XIAP: variants seen among roughly 807,000 people sequenced by gnomAD.
The protein encoded by XIAP is E3 ubiquitin-protein ligase XIAP.
In XIAP, 3 loss-of-function variants were observed where a neutral mutation model predicts 33.1. The ratio of observed to expected loss-of-function variants is 0.09; its 90% CI spans 0.04 to 0.23. The LOEUF is 0.23. Among genes scored for constraint, XIAP ranks in the 10% least tolerant of loss-of-function variants. XIAP has a pLI of 1.00. For synonymous variants in XIAP, 98 were observed against 121.3 expected, an observed-to-expected ratio of 0.81 and a Z score of 1.26; for missense variants, 264 against 363.0, an observed-to-expected ratio of 0.73 and a Z score of 2.22.
At chrX:123,881,517 ATGTGTAT>A (rs776277350) in intron 1 of XIAP, among the ~76,000 whole-genome samples, 1 of 111,211 alleles carries the variant, frequency 9.0e-6, no homozygotes, top group Non-Finnish European at 1.9e-5. Context: ...CACTCTGCTA[ATGTGTAT>A]ATATTGTTCA....
chrX:123,860,014 C>T (rs953953135), upstream of XIAP: 31 of 315,406 alleles, frequency 9.8e-5, no homozygotes, highest in Middle Eastern at 2.0e-3. Flanking sequence ...TGGCGCAGCC[C>T]GGGCTGGGAG....
chrX:123,899,047 G>C (rs749087943), intron 5 of XIAP, among the ~76,000 whole-genome samples: 1 of 95,515 alleles, frequency 1.0e-5, no homozygotes, highest in Non-Finnish European at 2.1e-5. Flanking sequence ...CTTGAACCTG[G>C]GAGGTGGAGG....
In XIAP at chrX:123,866,680, T is replaced by C. The variant is rs777544412; in HGVS notation, c.-33+6387T>C. ...TATAATATGTAAAATATATTACATA[T>C]ATAATATATATATTTTTCAGACAGA... On this transcript the variant is annotated intron_variant, in intron 1 of 6. Coordinates refer to ENST00000371199, the MANE Select transcript of XIAP (RefSeq NM_001167.4). 2.0e-3 allele frequency among the ~76,000 whole-genome samples: 210 copies of C among 103,392 alleles called. 1 individual carries two copies. Among genetic ancestry groups the C allele is most frequent in the Non-Finnish European group, 3.4e-3 (173 of 51,547 alleles). The allele number at this position is 103,392 out of a possible 115,157, so 89.8% of individuals were successfully genotyped here.
Position 123,886,466 on chromosome X carries a change from G to A in XIAP, c.804G>A (p.Arg268=). 2 of 1,208,842 alleles carry A rather than the reference G, an allele frequency of 1.7e-6. No homozygotes were observed. The highest frequency in any genetic ancestry group is 3.0e-5 in the East Asian group (1 of 33,868). ...CATCCATGGCAGATTATGAAGCACGGATCTTTACTTTTGGGACATGGATAT... is the reference window on the plus strand; with the variant it reads ...CATCCATGGCAGATTATGAAGCACGAATCTTTACTTTTGGGACATGGATAT... ...RNPSMADYEA[R]IFTFGTWIYS... The change falls in exon 2 of 7, where the codon CGG becomes CGA. Residue 268 remains arginine, a synonymous_variant. Coordinates refer to ENST00000371199, the MANE Select transcript of XIAP (RefSeq NM_001167.4).
At chrX:123,885,172 AATTC>A (rs932930348) in intron 1 of XIAP, among the ~76,000 whole-genome samples, 9 of 112,074 alleles carry the variant, frequency 8.0e-5, no homozygotes, top group African/African-American at 1.9e-4. Context: ...ATTAAAAATT[AATTC>A]ATTAACATTC....
Position 123,887,290 on chromosome X carries a change from C to T in XIAP, c.877+751C>T, listed in dbSNP as rs771301269. The stretch of plus-strand genomic sequence containing the variant: ...GTCTCGAACTCCTGACCTTGTGATC[C>T]GCCCGCCTTGGCCTCCCAAAGTGCT... On this transcript the variant is annotated intron_variant, in intron 2 of 6. Transcript: ENST00000371199. 8.9e-5 allele frequency among the ~76,000 whole-genome samples: 10 copies of T among 111,941 alleles called. No individual in the cohort carries two copies. The South Asian group carries it at 3.0e-3, about 33-fold the overall frequency.
intron 1 of XIAP, among the ~76,000 whole-genome samples, chrX:123,867,078 T>G (rs1286331267): frequency 1.2e-5 from 1 of 85,225 alleles, no homozygotes; most frequent in Non-Finnish European, 2.3e-5. Context: ...ACATTTCTGT[T>G]TTTTTTTTTG....
At position 123,912,782 on chromosome X, in the gene XIAP, A is replaced by T. The variant is rs769395420; in HGVS notation, c.*5601A>T. ...TCATGGCAAACTCTGCCTCGCAAGC[A>T]GCTGGGACTACAGGCATGCTCCACG... On this transcript the variant is annotated 3_prime_UTR_variant, in exon 7 of 7. Coordinates refer to ENST00000371199, the MANE Select transcript of XIAP (RefSeq NM_001167.4). The T allele has an allele frequency of 3.1e-6, 1 of 324,157 alleles. No individual in the cohort carries two copies. The highest frequency in any genetic ancestry group is 5.9e-6 in the Non-Finnish European group (1 of 168,715). The allele number at this position is 324,157 out of a possible 1,213,427, so 26.7% of individuals were successfully genotyped here. A position where few individuals can be genotyped will look rare whatever the true frequency, so the allele number is the denominator to read the frequency against.
rs1177644353 is a variant in XIAP at position 123,909,376 on chromosome X, C to G, written c.*2195C>G. ...GAGAGTTTTAAAAATTAAATAATGA[C>G]TGCCCTGTTTCTGTTTTAGTATGTA... On this transcript the variant is annotated 3_prime_UTR_variant, in exon 7 of 7. Transcript: ENST00000371199. 3.0e-6 allele frequency: 1 copy of G among 329,326 alleles called. No homozygotes were observed. Among genetic ancestry groups the G allele is most frequent in the East Asian group, 9.7e-5 (1 of 10,344 alleles). 27.1% of individuals were successfully genotyped at this position (329,326 alleles called of 1,213,427 possible).
intron 6 of XIAP, among the ~76,000 whole-genome samples, chrX:123,904,482 G>A (rs1026718060): frequency 1.8e-5 from 2 of 111,406 alleles, no homozygotes; most frequent in African/African-American, 3.3e-5. Context: ...CCAACTCCCT[G>A]AATCTACTTT....
intron 6 of XIAP, among the ~76,000 whole-genome samples, chrX:123,903,902 G>C (rs2053537610): frequency 9.2e-6 from 1 of 108,993 alleles, no homozygotes; most frequent in South Asian, 4.0e-4. Context: ...GCAATGAGCT[G>C]TGATTGCACC....
At position 123,907,691 on chromosome X, in the gene XIAP, T is replaced by G. The variant is rs773656535; in HGVS notation, c.*510T>G. ...GTTGTGTTTTAGGATTCTGTCCATT[T>G]TCTTTTAAAGTTATAAACACGTACT... On this transcript the variant is annotated 3_prime_UTR_variant, in exon 7 of 7. Transcript: ENST00000371199. The G allele has an allele frequency of 8.0e-6, 3 of 375,585 alleles. No homozygotes were observed. Among genetic ancestry groups the G allele is most frequent in the Non-Finnish European group, 1.5e-5 (3 of 199,049 alleles). The allele number at this position is 375,585 out of a possible 1,213,427, so 31.0% of individuals were successfully genotyped here.
intron 1 of XIAP, among the ~76,000 whole-genome samples, chrX:123,860,905 TAAA>T (rs778754062): frequency 1.7e-4 from 19 of 112,003 alleles, no homozygotes; most frequent in Non-Finnish European, 2.3e-4. Flanking sequence ...CAACCTTTGT[TAAA>T]AAACTCCAAC....
At chrX:123,902,432 A>G (rs928322517) in intron 6 of XIAP, among the ~76,000 whole-genome samples, 2 of 111,896 alleles carry the variant, frequency 1.8e-5, no homozygotes, top group South Asian at 3.7e-4. Flanking sequence ...TGATGAGGAA[A>G]GACTGGCACT....
upstream of XIAP, chrX:123,859,950 A>G (rs1390021025): frequency 7.5e-6 from 2 of 265,513 alleles, no homozygotes; most frequent in African/African-American, 2.9e-5. Flanking sequence ...GGGGCTTTGC[A>G]GGGCAGGAGG....
Position 123,888,665 on chromosome X carries a change from T to C in XIAP, c.924T>C (p.Thr308=), listed in dbSNP as rs780435109. 1 of 1,212,037 alleles carries C rather than the reference T, an allele frequency of 8.3e-7. No homozygotes were observed. The highest frequency in any genetic ancestry group is 1.8e-5 in the South Asian group (1 of 57,062). ...VKCFHCGGGL[T]DWKPSEDPWE... ...GCTTTCACTGTGGAGGAGGGCTAAC[T>C]GATTGGAAGCCCAGTGAAGACCCTT... Residue 308 remains threonine (T), a synonymous_variant, in exon 3 of 7, where the codon ACT becomes ACC. Coordinates refer to ENST00000371199, the MANE Select transcript of XIAP (RefSeq NM_001167.4).
At chrX:123,900,743 C>A (rs1233965975) in intron 6 of XIAP, 50 bp downstream of exon 6, 1 of 1,113,816 alleles carries the variant, frequency 9.0e-7, no homozygotes, top group East Asian at 3.0e-5. Flanking sequence ...TGTGGTGGCT[C>A]ATACCTGTAA....
At position 123,913,949 on chromosome X, in the gene XIAP, A is replaced by G; in HGVS notation, c.*6768A>G. 3.3e-6 allele frequency: 1 copy of G among 305,134 alleles called. No individual in the cohort carries two copies. Among genetic ancestry groups the G allele is most frequent in the Non-Finnish European group, 6.2e-6 (1 of 160,671 alleles). The allele number at this position is 305,134 out of a possible 1,213,427, so 25.1% of individuals were successfully genotyped here. A position where few individuals can be genotyped will look rare whatever the true frequency, so the allele number is the denominator to read the frequency against. ...TTTTTCTGTGAATAAAACGTATTCAATAAAATACTATTCTTTAAAATTATA... is the reference window on the plus strand; with the variant it reads ...TTTTTCTGTGAATAAAACGTATTCAGTAAAATACTATTCTTTAAAATTATA... On this transcript the variant is annotated 3_prime_UTR_variant, in exon 7 of 7. Coordinates refer to ENST00000371199, the MANE Select transcript of XIAP (RefSeq NM_001167.4).
intron 5 of XIAP, among the ~76,000 whole-genome samples, chrX:123,894,787 T>C (rs1336189719): frequency 2.0e-5 from 2 of 101,967 alleles, no homozygotes; most frequent in Non-Finnish European, 4.0e-5. Flanking sequence ...AAAAGAAAAA[T>C]ACAAAAATTA....
Sources: allele counts gnomAD v4.1 joint callset (sites outside exome capture counted in the v4.1 genomes callset), GRCh38; gene constraint gnomAD v4.1.1; transcripts MANE v1.5; gene names NCBI Gene and HGNC (gene_info 2026-07-23, HGNC 2026-07-21).